The following OPHN1 variants were observed in gnomAD, a reference collection of about 807,000 sequenced individuals.
OPHN1 encodes the protein oligophrenin-1.
OPHN1 carries 11 observed loss-of-function variants against 60.7 expected under a neutral mutation model. The ratio of observed to expected loss-of-function variants is 0.18; its 90% CI spans 0.11 to 0.30. OPHN1 has a LOEUF of 0.30. Among genes scored for constraint, OPHN1 ranks in the 10% least tolerant of loss-of-function variants. The probability of loss-of-function intolerance (pLI) is 1.00; values close to 1 mark genes in which losing one functional copy is unlikely to be tolerated. For missense variants in OPHN1, 449 were observed against 611.0 expected (o/e 0.73, Z 2.80); for synonymous variants, 226 against 222.6 (o/e 1.02, Z -0.14).
At chrX:68,148,759 A>G (rs1041682837) in intron 15 of OPHN1, among the ~76,000 whole-genome samples, 2 of 110,989 alleles carry the variant, frequency 1.8e-5, no homozygotes, top group East Asian at 2.8e-4. Flanking sequence ...ATCATGATAG[A>G]TATCTTCAGA....
chrX:68,267,250 T>C (rs1049431657), intron 5 of OPHN1, among the ~76,000 whole-genome samples: 6 of 111,315 alleles, frequency 5.4e-5, no homozygotes, highest in African/African-American at 2.0e-4. Context: ...ACACCACACC[T>C]ACTCCAAAAT....
rs1354237843 is a variant in OPHN1 at position 68,367,357 on chromosome X, A to G, written c.154+65510T>C. Among the ~76,000 whole-genome samples, 71 of 70,500 alleles carry G rather than the reference A, an allele frequency of 1.0e-3. 2 individuals are homozygous for G. The highest frequency in any genetic ancestry group is 5.3e-3 in the African/African-American group (66 of 12,508). The allele number at this position is 70,500 out of a possible 115,157, so 61.2% of individuals were successfully genotyped here. A position where few individuals can be genotyped will look rare whatever the true frequency, so the allele number is the denominator to read the frequency against. ...CAACAGAGCAAGACTCTGTCTCGGG[A>G]AAAAAAAAAAAAAAACACAAGCAGA... On this transcript the variant is annotated intron_variant, in intron 2 of 24. Transcript: ENST00000355520.
chrX:68,182,225 T>C (rs1340438236), intron 15 of OPHN1, among the ~76,000 whole-genome samples: 1 of 93,565 alleles, frequency 1.1e-5, no homozygotes, highest in African/African-American at 3.9e-5. Flanking sequence ...ATGATGGTAG[T>C]TTCTCCACTA....
chrX:68,227,526 T>G (rs985023269), intron 6 of OPHN1, among the ~76,000 whole-genome samples: 7 of 111,395 alleles, frequency 6.3e-5, no homozygotes, highest in Non-Finnish European at 1.1e-4. Flanking sequence ...CCTCAGCACA[T>G]GTAAAAGAAC....
At chrX:68,422,082 T>G (rs977772207) in intron 2 of OPHN1, among the ~76,000 whole-genome samples, 1 of 110,928 alleles carries the variant, frequency 9.0e-6, no homozygotes, top group Non-Finnish European at 1.9e-5. Flanking sequence ...TAAACTGAGC[T>G]AGATTGCTCA....
chrX:68,268,471 C>T (rs1431859307), intron 5 of OPHN1, among the ~76,000 whole-genome samples: 1 of 111,967 alleles, frequency 8.9e-6, no homozygotes, highest in Admixed American at 9.5e-5. Context: ...AGCATATAAA[C>T]AGAACCAATG....
At chrX:68,426,882 TAAAAC>T (rs1260950537) in intron 2 of OPHN1, among the ~76,000 whole-genome samples, 31 of 30,091 alleles carry the variant, frequency 1.0e-3, no homozygotes, top group African/African-American at 1.9e-3. Flanking sequence ...CTCTGTCTCT[TAAAAC>T]AAACAAAAAA....
intron 24 of OPHN1, among the ~76,000 whole-genome samples, chrX:68,047,878 T>C (rs1389451048): frequency 2.7e-5 from 3 of 112,284 alleles, no homozygotes; most frequent in East Asian, 2.8e-4. Context: ...TGCTTTGCAT[T>C]GGACAAACAT....
intron 2 of OPHN1, among the ~76,000 whole-genome samples, chrX:68,383,077 C>T (rs1488618206): frequency 9.0e-6 from 1 of 110,957 alleles, no homozygotes; most frequent in Non-Finnish European, 1.9e-5. Context: ...AATCCCAACA[C>T]TTTGTGAGGC....
intron 5 of OPHN1, among the ~76,000 whole-genome samples, chrX:68,239,418 G>GA (rs1455170353): frequency 9.0e-6 from 1 of 110,991 alleles, no homozygotes; most frequent in Admixed American, 9.6e-5. Context: ...GGTGGTCTTG[G>GA]AAAATGCAAC....
intron 2 of OPHN1, among the ~76,000 whole-genome samples, chrX:68,421,826 T>C (rs2078827792): frequency 9.0e-6 from 1 of 111,383 alleles, no homozygotes; most frequent in Admixed American, 9.6e-5. Context: ...AAAAATAATA[T>C]GGGGAAGGAC....
chrX:68,162,358 T>C (rs904341614), intron 15 of OPHN1, among the ~76,000 whole-genome samples: 4 of 109,838 alleles, frequency 3.6e-5, no homozygotes, highest in Non-Finnish European at 7.6e-5. Context: ...TTATTTAAGA[T>C]CCTTCATATA....
chrX:68,085,925 C>T (rs1028774769), intron 19 of OPHN1, among the ~76,000 whole-genome samples: 6 of 111,352 alleles, frequency 5.4e-5, no homozygotes, highest in African/African-American at 2.0e-4. Flanking sequence ...AAGCCTGTAA[C>T]CCCAGCACTT....
chrX:68,370,011 AATATATATATATATATATATAT>A (rs761607454), intron 2 of OPHN1, among the ~76,000 whole-genome samples: 1 of 64,385 alleles, frequency 1.6e-5, no homozygotes, highest in African/African-American at 7.8e-5. Context: ...AAATTGCTGA[AATATATATATATATATATATAT>A]ATATATATAT....
At chrX:68,056,109 A>G (rs2076872141) in intron 21 of OPHN1, among the ~76,000 whole-genome samples, 1 of 111,574 alleles carries the variant, frequency 9.0e-6, no homozygotes, top group Non-Finnish European at 1.9e-5. Context: ...TAATTTAAAA[A>G]AAAAGAAAGA....
chrX:68,208,308 C>T (rs781410755), intron 9 of OPHN1, among the ~76,000 whole-genome samples: 107 of 110,594 alleles, frequency 9.7e-4, no homozygotes, highest in African/African-American at 2.9e-3. Context: ...CCAGGCTGGT[C>T]TCAAACTCCT....
rs192543498 is a variant in OPHN1 at position 68,424,874 on chromosome X, C to T, written c.154+7993G>A. On this transcript the variant is annotated intron_variant, in intron 2 of 24. Coordinates refer to ENST00000355520, the MANE Select transcript of OPHN1 (RefSeq NM_002547.3). ...CTCTGGAATCTGGTCTTGTGAGGAA[C>T]TCCAATGAATATGGCAATATATCAC... 2.1e-3 allele frequency among the ~76,000 whole-genome samples: 238 copies of T among 112,123 alleles called. 2 individuals carry two copies. Among genetic ancestry groups the T allele is most frequent in the African/African-American group, 7.3e-3 (226 of 30,918 alleles).
chrX:68,063,209 CA>C (rs1025753742), intron 21 of OPHN1, among the ~76,000 whole-genome samples: 324 of 102,605 alleles, frequency 3.2e-3, no homozygotes, highest in African/African-American at 9.4e-3. Context: ...AACAAACAAA[CA>C]AAAAAAAAAA....
At chrX:68,401,957 G>A (rs747915399) in intron 2 of OPHN1, among the ~76,000 whole-genome samples, 4 of 111,416 alleles carry the variant, frequency 3.6e-5, no homozygotes, top group African/African-American at 9.8e-5. Flanking sequence ...TGAAGGTCAG[G>A]CTGCACACTC....
Sources: gnomAD v4.1 joint callset for allele counts (sites outside exome capture counted in the v4.1 genomes callset) on GRCh38, gnomAD v4.1.1 for gene constraint, MANE v1.5 for transcripts, NCBI Gene and HGNC (gene_info 2026-07-23, HGNC 2026-07-21) for gene names.